The following CSMD1 variants were observed in gnomAD, a reference collection of about 807,000 sequenced individuals.
CSMD1 encodes the protein CUB and sushi domain-containing protein 1.
CSMD1 carries 213 observed loss-of-function variants against 417.5 expected under a neutral mutation model. The observed-to-expected ratio is 0.51, with a 90% confidence interval of 0.46 to 0.57. The LOEUF is 0.57. Among genes scored for constraint, CSMD1 ranks in the 20% least tolerant of loss-of-function variants. CSMD1 has a pLI of 0.00. For synonymous variants in CSMD1, 2,862 were observed against 1,736.8 expected (o/e 1.65, Z -16.11); for missense variants, 6,923 against 4,529.7 (o/e 1.53, Z -15.17).
chr8:3,428,582 G>T (rs949430942), intron 12 of CSMD1, among the ~76,000 whole-genome samples: 1 of 152,182 alleles, frequency 6.6e-6, no homozygotes, highest in African/African-American at 2.4e-5. Flanking sequence ...TAGAAAAACT[G>T]TGTGTAAGAG....
chr8:3,907,927 T>C (rs1808218915), intron 5 of CSMD1, among the ~76,000 whole-genome samples: 1 of 152,158 alleles, frequency 6.6e-6, no homozygotes, highest in East Asian at 1.9e-4. Context: ...CAACATGCAT[T>C]CACTGATTGA....
rs1456919037 is a variant in CSMD1 at position 3,181,173 on chromosome 8, G to T, written c.5662C>A (p.Leu1888Ile). 1 of 1,613,930 alleles carries T rather than the reference G, an allele frequency of 6.2e-7. No individual in the cohort carries two copies. Among genetic ancestry groups the T allele is most frequent in the Non-Finnish European group, 8.5e-7 (1 of 1,179,856 alleles). The change falls in exon 37 of 70, where the codon CTC (leucine) becomes ATC (isoleucine). Residue 1888 changes from leucine to isoleucine, a missense_variant. By Grantham distance (5) the Leu-to-Ile change is conservative. Coordinates refer to ENST00000635120, the MANE Select transcript of CSMD1 (RefSeq NM_033225.6). ...PALLNSTSNQ[L>I]YLHFQSDISV... ...ATGTCAGACTGGAAATGCAGGTAGAGTTGGTTGGAAGTACTGTTCAGCAGT... is the reference window on the plus strand; with the variant it reads ...ATGTCAGACTGGAAATGCAGGTAGATTTGGTTGGAAGTACTGTTCAGCAGT...
chr8:4,400,526 C>T (rs988726960), intron 3 of CSMD1, among the ~76,000 whole-genome samples: 1 of 152,194 alleles, frequency 6.6e-6, no homozygotes, highest in African/African-American at 2.4e-5. Flanking sequence ...TAAAAATTGC[C>T]CTCTATGCCT....
At chr8:4,907,882 T>A (rs1027998290) in intron 1 of CSMD1, among the ~76,000 whole-genome samples, 6 of 152,146 alleles carry the variant, frequency 3.9e-5, no homozygotes, top group African/African-American at 1.4e-4. Flanking sequence ...TTATTAATTA[T>A]ATCCTGCAGC....
At chr8:3,095,606 A>G (rs1318241126) in intron 47 of CSMD1, among the ~76,000 whole-genome samples, 2 of 152,184 alleles carry the variant, frequency 1.3e-5, no homozygotes, top group African/African-American at 2.4e-5. Context: ...TGACTCATCA[A>G]CTCAGTAAAG....
intron 3 of CSMD1, among the ~76,000 whole-genome samples, chr8:4,347,411 G>A (rs1800835079): frequency 6.6e-6 from 1 of 152,048 alleles, no homozygotes; most frequent in African/African-American, 2.4e-5. Context: ...TTTAAAATAG[G>A]TAACATTACT....
intron 7 of CSMD1, among the ~76,000 whole-genome samples, chr8:3,696,207 C>A (rs1471730795): frequency 1.3e-5 from 2 of 152,154 alleles, no homozygotes; most frequent in Non-Finnish European, 2.9e-5. Flanking sequence ...GCCCTTCAAA[C>A]AGACAGTTCA....
chr8:4,037,913 G>T (rs1377905242), intron 3 of CSMD1, among the ~76,000 whole-genome samples: 1 of 151,922 alleles, frequency 6.6e-6, no homozygotes, highest in Non-Finnish European at 1.5e-5. Context: ...TAAGCTTAGT[G>T]GGAATAGGAA....
chr8:3,399,561 C>T (rs374231798), intron 15 of CSMD1, 32 bp from the exon 16 acceptor site: 2 of 1,524,198 alleles, frequency 1.3e-6, no homozygotes, highest in South Asian at 2.6e-5. Flanking sequence ...CTATTAGATC[C>T]AATGAGACAG....
intron 3 of CSMD1, among the ~76,000 whole-genome samples, chr8:4,270,648 G>C (rs369174154): frequency 6.6e-6 from 1 of 152,156 alleles, no homozygotes; most frequent in Non-Finnish European, 1.5e-5. Context: ...CTCAAATGAA[G>C]ATCGCGTGTC....
chr8:3,882,690 G>A lies in CSMD1; in HGVS notation c.818+115213C>T, dbSNP rs771860525. ...TGTTCACAAAACAAAATACTACACA[G>A]CAATGAAAAGGAACACATTACAAAT... is the stretch of plus-strand genomic sequence containing the variant. On this transcript the variant is annotated intron_variant, in intron 5 of 69. Coordinates refer to ENST00000635120, the MANE Select transcript of CSMD1 (RefSeq NM_033225.6). Among the ~76,000 whole-genome samples the A allele has an allele frequency of 7.2e-4, 109 of 152,174 alleles. 1 individual carries two copies. Among genetic ancestry groups the A allele is most frequent in the Non-Finnish European group, 2.5e-4 (17 of 68,034 alleles).
intron 6 of CSMD1, among the ~76,000 whole-genome samples, chr8:3,743,904 A>G (rs1195195738): frequency 1.3e-5 from 2 of 152,154 alleles, no homozygotes; most frequent in African/African-American, 4.8e-5. Flanking sequence ...TTTCCTCTGC[A>G]CCATTTGTCT....
At chr8:3,175,848 G>A (rs1820905339) in intron 37 of CSMD1, among the ~76,000 whole-genome samples, 1 of 152,174 alleles carries the variant, frequency 6.6e-6, no homozygotes, top group Non-Finnish European at 1.5e-5. Context: ...AGTAGTGAAT[G>A]TGAATTAGGA....
intron 5 of CSMD1, among the ~76,000 whole-genome samples, chr8:3,806,473 A>T (rs1031909580): frequency 6.6e-6 from 1 of 152,192 alleles, no homozygotes; most frequent in Non-Finnish European, 1.5e-5. Context: ...ATCAGCTTCT[A>T]TAACTGAGTC....
intron 2 of CSMD1, among the ~76,000 whole-genome samples, chr8:4,626,994 C>G (rs1166407723): frequency 6.6e-6 from 1 of 152,090 alleles, no homozygotes; most frequent in East Asian, 1.9e-4. Flanking sequence ...TGTGGTAAAG[C>G]AAGTAATTGC....
chr8:3,214,314 G>A (rs1369947770), intron 30 of CSMD1, among the ~76,000 whole-genome samples, 183 bp downstream of exon 30: 2 of 152,122 alleles, frequency 1.3e-5, no homozygotes, highest in Admixed American at 1.3e-4. Flanking sequence ...TATGAGAATG[G>A]CTAACACACT....
intron 3 of CSMD1, among the ~76,000 whole-genome samples, chr8:4,170,521 T>G (rs1797711080): frequency 6.6e-6 from 1 of 151,860 alleles, no homozygotes; most frequent in Admixed American, 6.5e-5. Flanking sequence ...TAAGTAGAGG[T>G]AAAGTCTATA....
At chr8:4,446,769 G>C (rs868828987) in intron 2 of CSMD1, among the ~76,000 whole-genome samples, 116 of 132,936 alleles carry the variant, frequency 8.7e-4, no homozygotes, top group South Asian at 4.5e-3. Flanking sequence ...GTGTGTGTGT[G>C]TGTGTGTGTG....
intron 10 of CSMD1, among the ~76,000 whole-genome samples, chr8:3,554,422 G>A (rs965645529): frequency 1.3e-4 from 20 of 152,316 alleles, no homozygotes; most frequent in African/African-American, 4.3e-4. Context: ...GGGGTCTGGG[G>A]AGAGCCTGGA....
Sources: allele counts gnomAD v4.1 joint callset (sites outside exome capture counted in the v4.1 genomes callset), GRCh38; gene constraint gnomAD v4.1.1; transcripts MANE v1.5; gene names NCBI Gene and HGNC (gene_info 2026-07-23, HGNC 2026-07-21).